STK32B: variants seen among roughly 807,000 people sequenced by gnomAD.
The protein encoded by STK32B is serine/threonine-protein kinase 32B.
A neutral mutation model predicts 52.6 loss-of-function variants in STK32B; 43 were observed. The observed-to-expected ratio is 0.82, with a 90% CI of 0.64 to 1.05. STK32B has a LOEUF of 1.05. STK32B is among the 50% of genes least tolerant of loss of function. The pLI is 0.00. For synonymous variants in STK32B, 238 were observed against 204.3 expected (o/e 1.17, Z -1.41); for missense variants, 621 against 534.6 (o/e 1.16, Z -1.59).
At chr4:5,077,387 G>A (rs1401141121) in intron 1 of STK32B, among the ~76,000 whole-genome samples, 2 of 152,154 alleles carry the variant, frequency 1.3e-5, no homozygotes, top group East Asian at 3.9e-4. Flanking sequence ...TAGGCACTCA[G>A]ATGTCACTGC....
chr4:5,124,330 T>C (rs971111627), intron 1 of STK32B, among the ~76,000 whole-genome samples: 1 of 152,196 alleles, frequency 6.6e-6, no homozygotes, highest in African/African-American at 2.4e-5. Context: ...CCATCGGCAT[T>C]TTCTTAGTTC....
intron 4 of STK32B, among the ~76,000 whole-genome samples, chr4:5,377,324 A>T (rs1307894042): frequency 2.6e-5 from 4 of 152,328 alleles, no homozygotes; most frequent in Non-Finnish European, 5.9e-5. Context: ...CTTCAAAGGG[A>T]TTAGCTTCCC....
At chr4:5,312,655 A>G (rs962665574) in intron 3 of STK32B, among the ~76,000 whole-genome samples, 1 of 151,916 alleles carries the variant, frequency 6.6e-6, no homozygotes, top group Non-Finnish European at 1.5e-5. Flanking sequence ...CATGGTGTAT[A>G]TGTGCCACAT....
intron 3 of STK32B, among the ~76,000 whole-genome samples, chr4:5,294,702 A>G (rs1235843515): frequency 2.6e-5 from 4 of 152,186 alleles, no homozygotes; most frequent in Non-Finnish European, 4.4e-5. Flanking sequence ...TAAATATACA[A>G]TCATGTCATC....
intron 3 of STK32B, among the ~76,000 whole-genome samples, chr4:5,187,721 A>G (rs900662419): frequency 6.6e-6 from 1 of 152,194 alleles, no homozygotes; most frequent in African/African-American, 2.4e-5. Context: ...CCAGCCTGCA[A>G]CATTTCTGAA....
chr4:5,346,333 T>C (rs1373041564), intron 4 of STK32B, among the ~76,000 whole-genome samples: 1 of 151,994 alleles, frequency 6.6e-6, no homozygotes, highest in African/African-American at 2.4e-5. Context: ...AATGTAAGAG[T>C]CCAGATTTTC....
intron 11 of STK32B, among the ~76,000 whole-genome samples, chr4:5,479,399 G>T (rs929038644): frequency 7.2e-5 from 11 of 152,148 alleles, no homozygotes; most frequent in African/African-American, 1.9e-4. Context: ...GATTACAGGC[G>T]TGAGCCACCA....
intron 3 of STK32B, among the ~76,000 whole-genome samples, chr4:5,255,105 C>A (rs1287251219): frequency 6.6e-6 from 1 of 152,082 alleles, no homozygotes; most frequent in Non-Finnish European, 1.5e-5. Context: ...AATTAAACAG[C>A]AGAATGGTAT....
intron 7 of STK32B, among the ~76,000 whole-genome samples, chr4:5,454,572 T>C (rs760435314): frequency 2.0e-5 from 3 of 152,150 alleles, no homozygotes; most frequent in Non-Finnish European, 4.4e-5. Context: ...TCTGAGGTCC[T>C]GGGGGCTAGG....
chr4:5,100,532 T>C (rs1713681165), intron 1 of STK32B, among the ~76,000 whole-genome samples: 1 of 136,528 alleles, frequency 7.3e-6, no homozygotes, highest in African/African-American at 2.7e-5. Flanking sequence ...CTCTCTTTCC[T>C]TCCTTCCTTT....
At chr4:5,335,221 G>A (rs370944187) in intron 4 of STK32B, among the ~76,000 whole-genome samples, 5 of 152,182 alleles carry the variant, frequency 3.3e-5, no homozygotes, top group Middle Eastern at 3.4e-3. Flanking sequence ...TGTATGTGTC[G>A]AGGAATTTAT....
intron 3 of STK32B, among the ~76,000 whole-genome samples, chr4:5,307,791 A>G (rs72613201): frequency 0.014 from 2,124 of 151,806 alleles, 32 homozygotes; most frequent in East Asian, 0.071. Context: ...AAGGGCTGCC[A>G]TTCAGATTCT....
intron 3 of STK32B, 146 bp downstream of exon 3, chr4:5,168,596 G>C (rs1287734150): frequency 2.1e-6 from 2 of 973,602 alleles, no homozygotes; most frequent in Non-Finnish European, 2.9e-6. Flanking sequence ...ATTTTGTAGA[G>C]TACATTTTCT....
In STK32B at chr4:5,467,889, C is replaced by T. The variant is rs947826624; in HGVS notation, c.1042-117C>T. ...CCCAGACACTTAGCTTGGCTTGTCC[C>T]GGTCCCAAGCATCTGAGGTTTCCAT... On this transcript the variant is annotated intron_variant, in intron 10 of 11. Coordinates refer to ENST00000282908, the MANE Select transcript of STK32B (RefSeq NM_018401.3). This position sits in a 1 kb window ranked among gnomAD's most constrained non-coding sequence, Gnocchi z 5.8. 52 of 1,171,668 alleles carry T rather than the reference C, an allele frequency of 4.4e-5. No individual in the cohort carries two copies. The highest frequency in any genetic ancestry group is 6.9e-5 in the Admixed American group (4 of 57,692). The allele number at this position is 1,171,668 out of a possible 1,614,324, so 72.6% of individuals were successfully genotyped here.
chr4:5,163,510 T>C (rs984989486), intron 2 of STK32B, among the ~76,000 whole-genome samples: 16 of 150,252 alleles, frequency 1.1e-4, no homozygotes, highest in Non-Finnish European at 1.5e-4. Context: ...TTCAAAGAAA[T>C]TCTAAAGAGT....
intron 4 of STK32B, among the ~76,000 whole-genome samples, chr4:5,333,012 G>C (rs1577359180): frequency 6.6e-6 from 1 of 152,230 alleles, no homozygotes; most frequent in African/African-American, 2.4e-5. Context: ...TATATACCCA[G>C]TAATGGGATG....
At chr4:5,348,501 C>G (rs1232103591) in intron 4 of STK32B, among the ~76,000 whole-genome samples, 1 of 152,184 alleles carries the variant, frequency 6.6e-6, no homozygotes, top group Admixed American at 6.5e-5. Context: ...AGTGACACCA[C>G]CCGACCTCTA....
intron 4 of STK32B, chr4:5,345,307 CTCCT>C (rs1733377675): frequency 7.9e-6 from 1 of 126,088 alleles, no homozygotes; most frequent in African/African-American, 3.0e-5. Context: ...AGTTATAATT[CTCCT>C]TTTTTTTTTT....
intron 3 of STK32B, among the ~76,000 whole-genome samples, chr4:5,171,697 C>T (rs189922645): frequency 0.027 from 3,268 of 119,056 alleles, 255 homozygotes; most frequent in East Asian, 0.11. Context: ...TGCATTCTGT[C>T]TTGGTTACTG....
Sources: allele counts gnomAD v4.1 joint callset (sites outside exome capture counted in the v4.1 genomes callset), GRCh38; gene constraint gnomAD v4.1.1; non-coding constraint Gnocchi (gnomAD v3.1); transcripts MANE v1.5; gene names NCBI Gene and HGNC (gene_info 2026-07-23, HGNC 2026-07-21).